Variants in TXNL4A observed in about 807,000 individuals in gnomAD.
TXNL4A encodes thioredoxin like 4A, also known as thioredoxin-like protein 4A.
TXNL4A carries 17 observed loss-of-function variants against 14.6 expected under a neutral mutation model. That is an observed-to-expected ratio of 1.16 (90% CI 0.80 to 1.74). TXNL4A has a LOEUF of 1.74. Among genes scored for constraint, TXNL4A ranks in the 40% most tolerant of loss-of-function variants. TXNL4A has a pLI of 0.00. For synonymous variants in TXNL4A, 83 were observed against 70.6 expected (o/e 1.18, Z -0.88); for missense variants, 74 against 195.2 (o/e 0.38, Z 3.70).
upstream of TXNL4A, among the ~76,000 whole-genome samples, chr18:79,989,950 C>T (rs2051614614): frequency 6.6e-6 from 1 of 152,154 alleles, no homozygotes; most frequent in African/African-American, 2.4e-5. Flanking sequence ...GAGCTGAGAT[C>T]GCACCACTTC....
chr18:80,016,084 G>GT (rs2051807251), intron 1 of TXNL4A, among the ~76,000 whole-genome samples: 7 of 145,036 alleles, frequency 4.8e-5, no homozygotes, highest in African/African-American at 1.3e-4. Flanking sequence ...TCTCATTGTG[G>GT]TTTTGATTTG....
In TXNL4A at chr18:80,011,905, C is replaced by T. The variant is rs879822708; in HGVS notation, c.-61+21946G>A. Among the ~76,000 whole-genome samples, 4 of 151,986 alleles carry T rather than the reference C, an allele frequency of 2.6e-5. No homozygotes were observed. The highest frequency in any genetic ancestry group is 3.9e-4 in the East Asian group (2 of 5,184). ...TTTGCTCGAGGAAATTCACAGAAACCGAGACTGCTAAACATCTTATTGAGT... is the reference window on the plus strand; with the variant it reads ...TTTGCTCGAGGAAATTCACAGAAACTGAGACTGCTAAACATCTTATTGAGT... On this transcript the variant is annotated intron_variant, in intron 1 of 2. Coordinates refer to the TXNL4A transcript ENST00000585474. The surrounding 1 kb of genome is among the most constrained non-coding windows in gnomAD (Gnocchi z 4.1).
chr18:80,006,039 C>A (rs370256564), intron 1 of TXNL4A, among the ~76,000 whole-genome samples: 160 of 151,942 alleles, frequency 1.1e-3, no homozygotes, highest in African/African-American at 3.7e-3. Context: ...GCAGGAGGAC[C>A]ACTTGACCTT....
At position 79,998,076 on chromosome 18, in the gene TXNL4A, G is replaced by A. The variant is rs545200821; in HGVS notation, c.-60-20375C>T. Among the ~76,000 whole-genome samples, 486 of 152,142 alleles carry A rather than the reference G, an allele frequency of 3.2e-3. 6 individuals carry two copies. Among genetic ancestry groups the A allele is most frequent in the Middle Eastern group, 0.017 (5 of 294 alleles). Reference sequence around the variant, plus strand: ...TGGGAGGCTGAGGCGGGTGGATCACGAGGTCAGGAGATCGAGACCATTCTG... The same window carrying A: ...TGGGAGGCTGAGGCGGGTGGATCACAAGGTCAGGAGATCGAGACCATTCTG... On this transcript the variant is annotated intron_variant, in intron 1 of 2. Transcript: ENST00000585474.
chr18:79,994,827 GA>G (rs997183550), intron 1 of TXNL4A: 43 of 152,242 alleles, frequency 2.8e-4, no homozygotes, highest in African/African-American at 9.4e-4. Context: ...GGACTTCCTG[GA>G]CCAGACCTCT....
intron 1 of TXNL4A, among the ~76,000 whole-genome samples, chr18:79,987,238 T>TC (rs2051564771): frequency 1.3e-5 from 2 of 152,198 alleles, no homozygotes; most frequent in South Asian, 4.1e-4. Flanking sequence ...TAACAACAGT[T>TC]CCTAACTTCA....
At chr18:80,024,324 T>C (rs1484961734) in intron 1 of TXNL4A, among the ~76,000 whole-genome samples, 1 of 152,222 alleles carries the variant, frequency 6.6e-6, no homozygotes, top group African/African-American at 2.4e-5. Context: ...TGGTTTGGAA[T>C]TCTGTCTTGC....
rs981991790 is a variant in TXNL4A at position 79,993,626 on chromosome 18, T to G, written c.-60-15925A>C. On this transcript the variant is annotated intron_variant, in intron 1 of 2. Transcript: ENST00000585474. This position sits in a 1 kb window ranked among gnomAD's most constrained non-coding sequence, Gnocchi z 4.4. Reference sequence around the variant, plus strand: ...TTGTTGGGTTGTGTGTGTTGGGTTGTGTGTGTGTTTCAGTCCTTTCAGCTA... The same window carrying G: ...TTGTTGGGTTGTGTGTGTTGGGTTGGGTGTGTGTTTCAGTCCTTTCAGCTA... Among the ~76,000 whole-genome samples the G allele has an allele frequency of 3.9e-5, 6 of 152,212 alleles. No homozygotes were observed. The highest frequency in any genetic ancestry group is 1.4e-4 in the African/African-American group (6 of 41,456).
intron 1 of TXNL4A, among the ~76,000 whole-genome samples, chr18:80,010,834 G>T (rs1327853356): frequency 6.6e-6 from 1 of 152,146 alleles, no homozygotes; most frequent in Non-Finnish European, 1.5e-5. Flanking sequence ...TGGGGATAAG[G>T]CTCTGACCTT....
At chr18:80,033,211 G>A (rs1328020089) in intron 1 of TXNL4A, among the ~76,000 whole-genome samples, 1 of 151,904 alleles carries the variant, frequency 6.6e-6, no homozygotes, top group Non-Finnish European at 1.5e-5. Context: ...ATACGCGCAC[G>A]CACATGCACA....
chr18:80,003,613 T>C (rs72970168), intron 1 of TXNL4A, among the ~76,000 whole-genome samples: 17,178 of 152,270 alleles, frequency 0.11, 1,201 homozygotes, highest in East Asian at 0.27. Context: ...GTCAGTGATT[T>C]CTAGGGCAGC....
intron 1 of TXNL4A, among the ~76,000 whole-genome samples, chr18:80,002,756 A>C (rs2051705893): frequency 6.6e-6 from 1 of 152,364 alleles, no homozygotes; most frequent in African/African-American, 2.4e-5. Context: ...TTAGAAACCC[A>C]AACTCCTTTG....
intron 1 of TXNL4A, among the ~76,000 whole-genome samples, chr18:80,028,113 C>T (rs1315745273): frequency 1.3e-5 from 2 of 151,354 alleles, no homozygotes; most frequent in Non-Finnish European, 2.9e-5. Flanking sequence ...TCCCTTTTCA[C>T]ACACAAAACT....
chr18:80,016,328 T>C (rs1303217171), intron 1 of TXNL4A, among the ~76,000 whole-genome samples: 4 of 152,220 alleles, frequency 2.6e-5, no homozygotes, highest in African/African-American at 4.8e-5. Context: ...TTCACTCTGA[T>C]GGTAGTTTCT....
chr18:79,989,802 C>A (rs895713849), upstream of TXNL4A, among the ~76,000 whole-genome samples: 1 of 152,160 alleles, frequency 6.6e-6, no homozygotes, highest in Non-Finnish European at 1.5e-5. Flanking sequence ...CAAGACCAGT[C>A]TGGCCAACAT....
At chr18:79,979,099 G>A (rs540439184) in intron 1 of TXNL4A, among the ~76,000 whole-genome samples, 6 of 151,796 alleles carry the variant, frequency 4.0e-5, no homozygotes, top group Admixed American at 1.3e-4. Flanking sequence ...CACCACGTCT[G>A]GCTAATTTTT....
At chr18:79,983,177 T>A (rs2051490317) in intron 1 of TXNL4A, among the ~76,000 whole-genome samples, 1 of 152,064 alleles carries the variant, frequency 6.6e-6, no homozygotes, top group African/African-American at 2.4e-5. Context: ...AGTTTTGTAT[T>A]TTTAGTAGAG....
chr18:80,007,700 G>A (rs958253555), intron 1 of TXNL4A, among the ~76,000 whole-genome samples: 1 of 151,808 alleles, frequency 6.6e-6, no homozygotes, highest in East Asian at 1.9e-4. Flanking sequence ...AACAATATGA[G>A]AGGGCCTCTC....
chr18:79,998,485 C>G (rs185349897), intron 1 of TXNL4A, among the ~76,000 whole-genome samples: 70 of 151,454 alleles, frequency 4.6e-4, no homozygotes, highest in African/African-American at 1.6e-3. Flanking sequence ...CTGCCTTTCT[C>G]CCTTTTCACA....
Sources: allele counts gnomAD v4.1 joint callset (sites outside exome capture counted in the v4.1 genomes callset), GRCh38; gene constraint gnomAD v4.1.1; non-coding constraint Gnocchi (gnomAD v3.1); transcripts MANE v1.5; gene names NCBI Gene and HGNC (gene_info 2026-07-23, HGNC 2026-07-21).